The following ANO5 variants were observed in gnomAD, a reference collection of about 807,000 sequenced individuals.
ANO5 encodes anoctamin-5.
Under a neutral mutation model 121.0 loss-of-function variants are expected in ANO5, and 109 were observed. The observed-to-expected ratio is 0.90, with a 90% CI of 0.77 to 1.06. The LOEUF is 1.06. Ranked by LOEUF, ANO5 falls within the 50% of genes least tolerant of loss-of-function variation. ANO5 has a pLI of 0.00. For synonymous variants in ANO5, 406 were observed against 359.9 expected, an observed-to-expected ratio of 1.13 and a Z score of -1.45; for missense variants, 1,064 against 1,078.5, an observed-to-expected ratio of 0.99 and a Z score of 0.19.
chr11:22,265,808 T>C (rs1289115604), intron 17 of ANO5, among the ~76,000 whole-genome samples: 3 of 152,102 alleles, frequency 2.0e-5, no homozygotes, highest in African/African-American at 7.2e-5. Flanking sequence ...AGAATAAAGC[T>C]GTAGGAAACA....
intron 19 of ANO5, among the ~76,000 whole-genome samples, 156 bp from the exon 20 acceptor site, chr11:22,274,413 G>A (rs913065018): frequency 6.6e-6 from 1 of 151,994 alleles, no homozygotes; most frequent in African/African-American, 2.4e-5. Flanking sequence ...GCTACTTTGT[G>A]TTTCAGGACA....
chr11:22,251,697 A>T (rs1294883093), intron 12 of ANO5, among the ~76,000 whole-genome samples: 1 of 152,064 alleles, frequency 6.6e-6, no homozygotes, highest in East Asian at 1.9e-4. Flanking sequence ...CAGTTAAAAA[A>T]CACCTCTAAC....
intron 9 of ANO5, among the ~76,000 whole-genome samples, chr11:22,241,659 T>C (rs1376960316): frequency 6.6e-6 from 1 of 152,126 alleles, no homozygotes; most frequent in African/African-American, 2.4e-5. Flanking sequence ...ATGAGCATTT[T>C]TTCATATGTT....
At chr11:22,239,983 T>C (rs1022432823) in intron 9 of ANO5, among the ~76,000 whole-genome samples, 1 of 152,128 alleles carries the variant, frequency 6.6e-6, no homozygotes, top group East Asian at 1.9e-4. Context: ...TTAACCATTA[T>C]GAAAATAGAT....
intron 9 of ANO5, among the ~76,000 whole-genome samples, chr11:22,244,964 G>A (rs953012543): frequency 1.3e-5 from 2 of 152,202 alleles, no homozygotes; most frequent in Admixed American, 1.3e-4. Context: ...CAGAGTTCTT[G>A]CACTGAATCT....
At chr11:22,273,637 G>A (rs77030658) in intron 19 of ANO5, among the ~76,000 whole-genome samples, 2,513 of 151,988 alleles carry the variant, frequency 0.017, 67 homozygotes, top group African/African-American at 0.057. Flanking sequence ...TTAAGACACT[G>A]TCAAAAATTG....
At chr11:22,250,183 T>C (rs1444687121) in intron 9 of ANO5, 54 bp from the exon 10 acceptor site, 10 of 1,492,166 alleles carry the variant, frequency 6.7e-6, no homozygotes, top group African/African-American at 1.4e-5. Context: ...AAATCAAGGC[T>C]CCAGACTATA....
chr11:22,236,059 C>T (rs916176266), intron 7 of ANO5, 104 bp from the exon 8 acceptor site: 32 of 763,432 alleles, frequency 4.2e-5, no homozygotes, highest in Admixed American at 3.2e-4. Context: ...TAATTAGAGC[C>T]TGTATCTACA....
chr11:22,247,112 C>CAACCTCT (rs1268800008), intron 9 of ANO5, among the ~76,000 whole-genome samples: 1 of 152,090 alleles, frequency 6.6e-6, no homozygotes, highest in African/African-American at 2.4e-5. Context: ...ATCTTCATGA[C>CAACCTCT]AACCTCTAGG....
intron 15 of ANO5, chr11:22,261,533 T>C (rs60192704): frequency 0.14 from 21,095 of 153,460 alleles, 4,233 homozygotes; most frequent in African/African-American, 0.44. Flanking sequence ...GGTGTGGTGG[T>C]GCACATCTGT....
intron 19 of ANO5, 128 bp from the exon 20 acceptor site, chr11:22,274,441 A>G (rs566907432): frequency 3.4e-6 from 3 of 875,532 alleles, no homozygotes; most frequent in Non-Finnish European, 5.1e-6. Context: ...GCATATTACT[A>G]TGATTTATAA....
intron 4 of ANO5, among the ~76,000 whole-genome samples, chr11:22,219,996 G>T (rs1278211740): frequency 6.7e-6 from 1 of 149,326 alleles, no homozygotes; most frequent in Non-Finnish European, 1.5e-5. Flanking sequence ...CATCAGCTAT[G>T]TAAATGCACT....
chr11:22,259,152 G>GA (rs1239669211), intron 14 of ANO5, among the ~76,000 whole-genome samples: 22 of 148,188 alleles, frequency 1.5e-4, no homozygotes, highest in Non-Finnish European at 2.1e-4. Flanking sequence ...AAAAAAAAGA[G>GA]AAAAAAACAC....
chr11:22,238,130 A>G (rs920160192), intron 8 of ANO5, among the ~76,000 whole-genome samples: 3 of 151,344 alleles, frequency 2.0e-5, no homozygotes, highest in African/African-American at 4.9e-5. Context: ...CACTGTCACA[A>G]TTTTTTTTTC....
chr11:22,264,186 G>C (rs748858841), intron 17 of ANO5, among the ~76,000 whole-genome samples: 1 of 152,014 alleles, frequency 6.6e-6, no homozygotes, highest in South Asian at 2.1e-4. Context: ...ACCACACCTA[G>C]CTAAGTTTCT....
intron 2 of ANO5, among the ~76,000 whole-genome samples, chr11:22,207,535 T>G (rs1020863564): frequency 3.9e-5 from 6 of 152,104 alleles, no homozygotes; most frequent in Non-Finnish European, 8.8e-5. Context: ...ACATTGATCA[T>G]GGACTAAATG....
At chr11:22,200,115 A>G (rs1429296756) in intron 1 of ANO5, among the ~76,000 whole-genome samples, 1 of 152,176 alleles carries the variant, frequency 6.6e-6, no homozygotes, top group Non-Finnish European at 1.5e-5. Context: ...ACGTAATGCT[A>G]ACATCATCAC....
chr11:22,193,657 C>A, intron 1 of ANO5, 125 bp downstream of exon 1: 2 of 1,246,362 alleles, frequency 1.6e-6, no homozygotes, highest in Admixed American at 2.1e-5. Flanking sequence ...AGGTTCGCTG[C>A]GTGGCGTGCT....
intron 1 of ANO5, among the ~76,000 whole-genome samples, chr11:22,201,280 G>T (rs1010255455): frequency 3.3e-5 from 5 of 152,110 alleles, no homozygotes; most frequent in African/African-American, 1.2e-4. Context: ...TGTGCTAAAA[G>T]AACAAAATCA....
Sources: allele counts gnomAD v4.1 joint callset (sites outside exome capture counted in the v4.1 genomes callset), GRCh38; gene constraint gnomAD v4.1.1; transcripts MANE v1.5; gene names NCBI Gene and HGNC (gene_info 2026-07-23, HGNC 2026-07-21).